The following RGS7 variants were observed in gnomAD, a reference collection of about 807,000 sequenced individuals.
The protein encoded by RGS7 is regulator of G-protein signaling 7.
Under a neutral mutation model 81.1 loss-of-function variants are expected in RGS7, and 27 were observed. The observed-to-expected ratio is 0.33, with a 90% CI of 0.25 to 0.46. The LOEUF (loss-of-function observed/expected upper bound fraction) is 0.46. Among genes scored for constraint, RGS7 ranks in the 20% least tolerant of loss-of-function variants. The pLI, the probability that RGS7 is intolerant of heterozygous loss-of-function variation, is 1.00. For synonymous variants in RGS7, 208 were observed against 207.7 expected (o/e 1.00, Z -0.01); for missense variants, 396 against 607.4 (o/e 0.65, Z 3.66).
chr1:240,953,296 T>G (rs1009664047), intron 4 of RGS7, among the ~76,000 whole-genome samples: 4 of 151,906 alleles, frequency 2.6e-5, no homozygotes, highest in Non-Finnish European at 4.4e-5. Context: ...GAGTAAATTA[T>G]TCTAAAGCAT....
chr1:241,351,756 G>C (rs1418423498), intron 2 of RGS7, among the ~76,000 whole-genome samples: 1 of 152,168 alleles, frequency 6.6e-6, no homozygotes, highest in Non-Finnish European at 1.5e-5. Flanking sequence ...AAGGGGGAGA[G>C]GGGTGAGGAA....
intron 6 of RGS7, among the ~76,000 whole-genome samples, chr1:240,893,404 G>C (rs1011414190): frequency 6.6e-6 from 1 of 152,082 alleles, no homozygotes; most frequent in Non-Finnish European, 1.5e-5. Flanking sequence ...GTAAGAGCTC[G>C]TCAGGAGTTA....
rs550784034 is a variant in RGS7 at position 241,256,261 on chromosome 1, T to G, written c.78+99438A>C. Among the ~76,000 whole-genome samples, 4 of 152,364 alleles carry G rather than the reference T, an allele frequency of 2.6e-5. No individual in the cohort carries two copies. In the South Asian group the frequency reaches 8.3e-4, roughly 32 times the overall value. ...AAATTATACATTTTTTAAAAGGCTC[T>G]GGGTGGTTGTAAAAATTTAAATTCC... On this transcript the variant is annotated intron_variant, in intron 2 of 18. Coordinates refer to ENST00000440928, the MANE Select transcript of RGS7 (RefSeq NM_001364886.1).
chr1:241,325,914 T>G (rs1012987235), intron 2 of RGS7, among the ~76,000 whole-genome samples: 1 of 152,202 alleles, frequency 6.6e-6, no homozygotes, highest in Non-Finnish European at 1.5e-5. Context: ...GAACAACCGT[T>G]ACATTTTTTC....
At chr1:240,846,460 C>T (rs1381402168) in intron 9 of RGS7, among the ~76,000 whole-genome samples, 2 of 152,128 alleles carry the variant, frequency 1.3e-5, no homozygotes, top group South Asian at 2.1e-4. Context: ...TCTCTTCCTC[C>T]TGCTTACAGG....
intron 18 of RGS7, among the ~76,000 whole-genome samples, chr1:240,791,396 C>T (rs565509361): frequency 2.6e-5 from 4 of 152,268 alleles, no homozygotes; most frequent in East Asian, 1.9e-4. Context: ...AAAAATTTAC[C>T]AAGGTGTCTG....
chr1:240,857,738 C>T (rs2147964756), intron 9 of RGS7, among the ~76,000 whole-genome samples: 1 of 152,164 alleles, frequency 6.6e-6, no homozygotes, highest in African/African-American at 2.4e-5. Flanking sequence ...GAAAAACATT[C>T]TGATATGGTT....
chr1:240,982,650 T>A (rs1381744448), intron 4 of RGS7, among the ~76,000 whole-genome samples: 1 of 151,784 alleles, frequency 6.6e-6, no homozygotes, highest in African/African-American at 2.4e-5. Context: ...AGAAAAAAAA[T>A]CAGAATTACA....
At chr1:241,172,600 G>A (rs1265827750) in intron 2 of RGS7, among the ~76,000 whole-genome samples, 1 of 152,126 alleles carries the variant, frequency 6.6e-6, no homozygotes, top group African/African-American at 2.4e-5. Context: ...GCTTTGAATT[G>A]ATAGCCCAAA....
chr1:241,223,042 A>C (rs572497442), intron 2 of RGS7, among the ~76,000 whole-genome samples: 43 of 152,224 alleles, frequency 2.8e-4, no homozygotes, highest in Non-Finnish European at 5.6e-4. Context: ...TATGTGGCAC[A>C]TTTTCTTTAT....
chr1:240,996,348 A>G (rs1687280878), intron 3 of RGS7, among the ~76,000 whole-genome samples: 1 of 152,054 alleles, frequency 6.6e-6, no homozygotes, highest in Non-Finnish European at 1.5e-5. Flanking sequence ...ATCCTTACTG[A>G]TTTTTCTGCC....
chr1:241,325,936 T>C (rs573440962), intron 2 of RGS7, among the ~76,000 whole-genome samples: 14 of 152,320 alleles, frequency 9.2e-5, no homozygotes, highest in African/African-American at 3.1e-4. Context: ...TTTTTTTCAC[T>C]ATGCTCCTCT....
At chr1:241,033,043 T>C (rs771404008) in intron 3 of RGS7, among the ~76,000 whole-genome samples, 17 of 152,110 alleles carry the variant, frequency 1.1e-4, no homozygotes, top group Non-Finnish European at 2.2e-4. Context: ...TACGGAAAAG[T>C]GGAAGTTCTG....
Position 241,207,348 on chromosome 1 carries a change from C to CAT in RGS7, c.79-108588_79-108587dup, listed in dbSNP as rs540737449. Among the ~76,000 whole-genome samples, 33 of 143,762 alleles carry CAT rather than the reference C, an allele frequency of 2.3e-4. No individual in the cohort carries two copies. The South Asian group carries it at 5.4e-3, about 24-fold the overall frequency. 94.3% of individuals were successfully genotyped at this position (143,762 alleles called of 152,430 possible). A position where few individuals can be genotyped will look rare whatever the true frequency, so the allele number is the denominator to read the frequency against. On this transcript the variant is annotated intron_variant, in intron 2 of 18. Transcript: ENST00000440928. ...GGTATGGAGTATGCACTTTAAAATG[C>CAT]ATATATATATATGCGTAAATATACA...
At chr1:240,810,109 T>G (rs1163174596) in intron 14 of RGS7, among the ~76,000 whole-genome samples, 1 of 152,192 alleles carries the variant, frequency 6.6e-6, no homozygotes, top group Admixed American at 6.6e-5. Flanking sequence ...TGTCCAGCTC[T>G]TAGCCTAGAA....
chr1:240,909,480 C>T (rs907511613), intron 6 of RGS7, among the ~76,000 whole-genome samples: 1 of 152,046 alleles, frequency 6.6e-6, no homozygotes, highest in African/African-American at 2.4e-5. Context: ...TATAACTTAC[C>T]TAGAGTAAGA....
chr1:241,178,227 G>A (rs2071311850), intron 2 of RGS7, among the ~76,000 whole-genome samples: 1 of 152,150 alleles, frequency 6.6e-6, no homozygotes, highest in Admixed American at 6.5e-5. Flanking sequence ...AGGCATTTGA[G>A]ATTGCAATAA....
intron 2 of RGS7, among the ~76,000 whole-genome samples, chr1:241,344,543 A>G (rs775530117): frequency 9.9e-5 from 15 of 152,226 alleles, no homozygotes; most frequent in Non-Finnish European, 1.6e-4. Flanking sequence ...AGGTAAAGTA[A>G]CTGGATTCAC....
At chr1:241,027,924 G>A (rs919655107) in intron 3 of RGS7, among the ~76,000 whole-genome samples, 1 of 152,208 alleles carries the variant, frequency 6.6e-6, no homozygotes, top group Admixed American at 6.5e-5. Flanking sequence ...ACCTGTGACA[G>A]GAAATATGTG....
Sources: allele counts gnomAD v4.1 joint callset (sites outside exome capture counted in the v4.1 genomes callset), GRCh38; gene constraint gnomAD v4.1.1; transcripts MANE v1.5; gene names NCBI Gene and HGNC (gene_info 2026-07-23, HGNC 2026-07-21).